ZC3H8: variants seen among roughly 807,000 people sequenced by gnomAD.
ZC3H8 encodes the protein zinc finger CCCH domain-containing protein 8.
In ZC3H8, 27 loss-of-function variants were observed where a neutral mutation model predicts 42.5. The ratio of observed to expected loss-of-function variants is 0.64; its 90% confidence interval spans 0.47 to 0.88. ZC3H8 has a LOEUF of 0.88. Among genes scored for constraint, ZC3H8 ranks in the 40% least tolerant of loss-of-function variants. The pLI is 0.00. For synonymous variants in ZC3H8, 101 were observed against 110.1 expected (o/e 0.92, Z 0.52); for missense variants, 277 against 336.1 (o/e 0.82, Z 1.37).
At chr2:112,250,825 T>C (rs1415357100) in intron 1 of ZC3H8, among the ~76,000 whole-genome samples, 1 of 152,224 alleles carries the variant, frequency 6.6e-6, no homozygotes, top group Non-Finnish European at 1.5e-5. Context: ...AAGGGTATTT[T>C]AGGCAGAATG....
At chr2:112,253,310 A>T (rs1686020075) in intron 1 of ZC3H8, among the ~76,000 whole-genome samples, 1 of 152,030 alleles carries the variant, frequency 6.6e-6, no homozygotes, top group Admixed American at 6.6e-5. Context: ...AGAAATTTTC[A>T]TCTCTTCTTC....
chr2:112,221,286 G>C (rs1558917350), intron 8 of ZC3H8, among the ~76,000 whole-genome samples: 1 of 152,156 alleles, frequency 6.6e-6, no homozygotes, highest in African/African-American at 2.4e-5. Context: ...CCTTGGTACT[G>C]TCCTAGTGAT....
rs1364232552 is a variant in ZC3H8, at chr2:112,229,566, G to A, written c.*15+1337C>T. 3.3e-5 allele frequency among the ~76,000 whole-genome samples: 5 copies of A among 152,298 alleles called. No homozygotes were observed. In the East Asian group the frequency reaches 9.7e-4, roughly 29 times the overall value. ...GCCCTAGCTAGCCCACTGGTCCCAGGAGAGTTAGATAAGTATGGGCAGAAC... is the reference window on the plus strand; with the variant it reads ...GCCCTAGCTAGCCCACTGGTCCCAGAAGAGTTAGATAAGTATGGGCAGAAC... On this transcript the variant is annotated intron_variant, in intron 8 of 8. Coordinates refer to ENST00000409573, the MANE Select transcript of ZC3H8 (RefSeq NM_032494.3).
At chr2:112,247,655 T>C (rs1421576343) in intron 2 of ZC3H8, among the ~76,000 whole-genome samples, 4 of 152,196 alleles carry the variant, frequency 2.6e-5, no homozygotes, top group African/African-American at 9.7e-5. Context: ...TACTTGTGAG[T>C]GAAGAGGCTG....
rs1360743394 is a variant in ZC3H8, at chr2:112,224,164, ATAATAT to A, written c.*15+6733_*15+6738del. 6.6e-5 allele frequency among the ~76,000 whole-genome samples: 10 copies of A among 152,334 alleles called. No homozygotes were observed. In the East Asian group the frequency reaches 1.2e-3, roughly 18 times the overall value. On this transcript the variant is annotated intron_variant, in intron 8 of 8. Coordinates refer to ENST00000409573, the MANE Select transcript of ZC3H8 (RefSeq NM_032494.3). Reference sequence around the variant, plus strand: ...TCTCAAAAGGCATTAATATTTTGACATAATATTAATGATATTTGAAAACTTCACATT... The same window carrying A: ...TCTCAAAAGGCATTAATATTTTGACATAATGATATTTGAAAACTTCACATT...
At chr2:112,229,767 T>C (rs1488810350) in intron 8 of ZC3H8, among the ~76,000 whole-genome samples, 5 of 152,076 alleles carry the variant, frequency 3.3e-5, no homozygotes, top group Non-Finnish European at 2.9e-5. Flanking sequence ...GTTAATACAA[T>C]TCCCAATGGA....
chr2:112,223,320 T>C (rs1048029709), intron 8 of ZC3H8, among the ~76,000 whole-genome samples: 1 of 152,092 alleles, frequency 6.6e-6, no homozygotes, highest in African/African-American at 2.4e-5. Flanking sequence ...ATATGAACAA[T>C]TGCATGTCAA....
At chr2:112,221,375 G>A (rs1047702414) in intron 8 of ZC3H8, among the ~76,000 whole-genome samples, 22 of 152,080 alleles carry the variant, frequency 1.4e-4, no homozygotes, top group African/African-American at 5.1e-4. Flanking sequence ...CTGGCCATGC[G>A]ACATGCTGGC....
chr2:112,216,405 A>G lies in ZC3H8; in HGVS notation c.*79T>C, dbSNP rs374217197. The stretch of plus-strand genomic sequence containing the variant: ...GGAATCTTGTAAACTACTCCAAATC[A>G]CCAGTCTTGAACAGTCTTGAACACG... On this transcript the variant is annotated 3_prime_UTR_variant, in exon 9 of 9. Transcript: ENST00000409573. 6.6e-6 allele frequency: 1 copy of G among 152,234 alleles called. No homozygotes were observed. Among genetic ancestry groups the G allele is most frequent in the African/African-American group, 2.4e-5 (1 of 41,438 alleles). The allele number at this position is 152,234 out of a possible 1,614,324, so 9.4% of individuals were successfully genotyped here. A position where few individuals can be genotyped will look rare whatever the true frequency, so the allele number is the denominator to read the frequency against.
At chr2:112,245,204 C>T (rs914121087) in intron 2 of ZC3H8, among the ~76,000 whole-genome samples, 2 of 152,242 alleles carry the variant, frequency 1.3e-5, no homozygotes, top group African/African-American at 4.8e-5. Context: ...CCAGTCATAA[C>T]ATTCCCTTAA....
rs141301644 is a variant in ZC3H8 at position 112,250,209 on chromosome 2, G to A, written c.138C>T (p.Cys46=). 5.6e-5 allele frequency: 88 copies of A among 1,565,698 alleles called. No individual in the cohort carries two copies. The African/African-American group carries it at 5.8e-4, about 10-fold the overall frequency. ...ETQEEKIKLE[C]EQIPKKFRHS... ...ATCTTACTTTTTTGGGAATTTGCTCGCACTCCAGTTTAATTTTCTCTTCTT... is the reference window on the plus strand; with the variant it reads ...ATCTTACTTTTTTGGGAATTTGCTCACACTCCAGTTTAATTTTCTCTTCTT... The change falls in exon 2 of 9, where the codon TGC becomes TGT. Residue 46 remains cysteine (C), a synonymous_variant. Transcript: ENST00000409573.
intron 1 of ZC3H8, among the ~76,000 whole-genome samples, chr2:112,253,772 T>G (rs543026726): frequency 3.7e-4 from 56 of 152,358 alleles, no homozygotes; most frequent in South Asian, 3.1e-3. Flanking sequence ...TATCTTTTTT[T>G]TGTGTGATGA....
chr2:112,255,032 C>A lies in ZC3H8; in HGVS notation c.-51G>T, dbSNP rs982369549. The A allele has an allele frequency of 1.3e-6, 2 of 1,546,842 alleles. No individual in the cohort carries two copies. The highest frequency in any genetic ancestry group is 2.0e-5 in the Admixed American group (1 of 50,774). On this transcript the variant is annotated 5_prime_UTR_variant, in exon 1 of 9. Transcript: ENST00000409573. The stretch of plus-strand genomic sequence containing the variant: ...GAGCCGGGAAGCTACAGAGTAACAA[C>A]CCGAGAGAGTGACAACCCGGACGCG...
intron 8 of ZC3H8, among the ~76,000 whole-genome samples, chr2:112,218,958 T>C (rs981654196): frequency 7.9e-5 from 12 of 152,104 alleles, no homozygotes; most frequent in Non-Finnish European, 1.8e-4. Flanking sequence ...CAAAGGCACA[T>C]AAATAAATGG....
intron 2 of ZC3H8, among the ~76,000 whole-genome samples, chr2:112,246,924 T>C (rs1685784881): frequency 6.6e-6 from 1 of 152,194 alleles, no homozygotes. Flanking sequence ...GCTGTCCTAT[T>C]TTAAGAAATT....
At chr2:112,236,236 A>G (rs1336680273) in intron 4 of ZC3H8, among the ~76,000 whole-genome samples, 2 of 152,194 alleles carry the variant, frequency 1.3e-5, no homozygotes, top group Admixed American at 6.5e-5. Flanking sequence ...CCTGGGTTAC[A>G]AGGCGAGACT....
At chr2:112,223,891 C>T (rs1684702021) in intron 8 of ZC3H8, among the ~76,000 whole-genome samples, 1 of 152,122 alleles carries the variant, frequency 6.6e-6, no homozygotes, top group South Asian at 2.1e-4. Context: ...CCCTGTAATC[C>T]CAGCACTTTG....
At position 112,243,225 on chromosome 2, in the gene ZC3H8, G is replaced by A. The variant is rs146359333; in HGVS notation, c.157-4697C>T. On this transcript the variant is annotated intron_variant, in intron 2 of 8. Coordinates refer to ENST00000409573, the MANE Select transcript of ZC3H8 (RefSeq NM_032494.3). ...TGCACACTCAAACAGTTCCAGAAGTGTTTTTTCAGACTTTAAGTGCTTCAA... is the reference window on the plus strand; with the variant it reads ...TGCACACTCAAACAGTTCCAGAAGTATTTTTTCAGACTTTAAGTGCTTCAA... Among the ~76,000 whole-genome samples the A allele has an allele frequency of 7.2e-5, 11 of 152,300 alleles. 1 individual carries two copies. The highest frequency in any genetic ancestry group is 1.7e-4 in the African/African-American group (7 of 41,568).
intron 5 of ZC3H8, among the ~76,000 whole-genome samples, 198 bp from the exon 6 acceptor site, chr2:112,233,569 TA>T (rs1685184060): frequency 6.6e-6 from 1 of 152,186 alleles, no homozygotes; most frequent in Non-Finnish European, 1.5e-5. Flanking sequence ...CAAACATTTT[TA>T]AACATAAAGC....
Sources: allele counts gnomAD v4.1 joint callset (sites outside exome capture counted in the v4.1 genomes callset), GRCh38; gene constraint gnomAD v4.1.1; transcripts MANE v1.5; gene names NCBI Gene and HGNC (gene_info 2026-07-23, HGNC 2026-07-21).